Variants in PCDHGA1 observed in about 807,000 individuals in gnomAD.
The protein encoded by PCDHGA1 is protocadherin gamma subfamily A, 1.
PCDHGA1 carries 32 observed loss-of-function variants against 58.0 expected under a neutral mutation model. That is an observed-to-expected ratio of 0.55 (90% CI 0.42 to 0.74). The LOEUF (loss-of-function observed/expected upper bound fraction) is 0.74, where lower values mean the gene tolerates loss of function less well. PCDHGA1 is among the 30% of genes least tolerant of loss of function. The probability of loss-of-function intolerance (pLI) is 0.00; values close to 1 mark genes in which losing one functional copy is unlikely to be tolerated. For missense variants in PCDHGA1, 1,205 were observed against 1,182.3 expected (o/e 1.02, Z -0.28); for synonymous variants, 498 against 501.1 (o/e 0.99, Z 0.08).
intron 1 of PCDHGA1, chr5:141,351,764 T>C (rs766409465): frequency 1.9e-6 from 3 of 1,613,590 alleles, no homozygotes; most frequent in Admixed American, 1.7e-5. Context: ...GTCCTACGTG[T>C]CCGTGAGCCC....
chr5:141,431,325 G>C lies in PCDHGA1; in HGVS notation c.2422-63482G>C, dbSNP rs772252181. On this transcript the variant is annotated intron_variant, in intron 1 of 3. Coordinates refer to ENST00000517417, the MANE Select transcript of PCDHGA1 (RefSeq NM_018912.3). The surrounding 1 kb of genome is among the most constrained non-coding windows in gnomAD (Gnocchi z 4.8). Reference sequence around the variant, plus strand: ...ATCGTGCAAAATGGAGCCGACGGTAGTAAGTACCCCGAATTGGTGCTGAAA... The same window carrying C: ...ATCGTGCAAAATGGAGCCGACGGTACTAAGTACCCCGAATTGGTGCTGAAA... 4.3e-6 allele frequency: 7 copies of C among 1,614,144 alleles called. No individual in the cohort carries two copies. In the Admixed American group the frequency reaches 8.3e-5, roughly 19 times the overall value.
rs1163950013 is a variant in PCDHGA1 at position 141,512,955 on chromosome 5, A to G, written c.*1782A>G. 2 of 152,234 alleles carry G rather than the reference A, an allele frequency of 1.3e-5. No homozygotes were observed. The highest frequency in any genetic ancestry group is 2.9e-5 in the Non-Finnish European group (2 of 68,046). The allele number at this position is 152,234 out of a possible 1,614,324, so 9.4% of individuals were successfully genotyped here. ...GCTTTTTTTCTTCGACAAAAAAATA[A>G]TAAAACGTTTCTTCTGAAAAGCTGA... On this transcript the variant is annotated 3_prime_UTR_variant, in exon 4 of 4. Coordinates refer to ENST00000517417, the MANE Select transcript of PCDHGA1 (RefSeq NM_018912.3).
In PCDHGA1 at chr5:141,410,593, G is replaced by C. The variant is rs921521742; in HGVS notation, c.2421+77488G>C. ...TTCCACCTCATGGTGGGGAGGATTT[G>C]ACTTCACATCCTGAGACTCTGACTT... On this transcript the variant is annotated intron_variant, in intron 1 of 3. Coordinates refer to ENST00000517417, the MANE Select transcript of PCDHGA1 (RefSeq NM_018912.3). The C allele has an allele frequency of 2.5e-6, 4 of 1,608,934 alleles. No individual in the cohort carries two copies. In the African/African-American group the frequency reaches 5.3e-5, roughly 21 times the overall value.
In PCDHGA1 at chr5:141,491,163, C is replaced by T; in HGVS notation, c.2422-3644C>T. On this transcript the variant is annotated intron_variant, in intron 1 of 3. Transcript: ENST00000517417. The surrounding 1 kb of genome is among the most constrained non-coding windows in gnomAD (Gnocchi z 6.9). ...CCTTACTGGAGGATGACTCTGACAC[C>T]CAGCAGGTGGTGGTCCTGGTGAGGG... is the stretch of plus-strand genomic sequence containing the variant. 1 of 1,614,092 alleles carries T rather than the reference C, an allele frequency of 6.2e-7. No homozygotes were observed. Among genetic ancestry groups the T allele is most frequent in the Non-Finnish European group, 8.5e-7 (1 of 1,179,950 alleles).
rs192411178 is a variant in PCDHGA1, at chr5:141,397,840, C to A, written c.2421+64735C>A. ...AATTACTGCACTGGTTAACTTGAAG[C>A]CGCAGAGGCTGTAGTTTCCTAGTGC... On this transcript the variant is annotated intron_variant, in intron 1 of 3. Transcript: ENST00000517417. 268 of 517,094 alleles carry A rather than the reference C, an allele frequency of 5.2e-4. 2 individuals carry two copies. Among genetic ancestry groups the A allele is most frequent in the African/African-American group, 4.6e-3 (241 of 51,950 alleles). The allele number at this position is 517,094 out of a possible 1,614,324, so 32.0% of individuals were successfully genotyped here. A position where few individuals can be genotyped will look rare whatever the true frequency, so the allele number is the denominator to read the frequency against.
In PCDHGA1 at chr5:141,332,804, T is replaced by C. The variant is rs532160123; in HGVS notation, c.2120T>C (p.Phe707Ser). Reference protein sequence around the residue: ...AAAVSCVFLAFVIVLLAHRLR... With the variant: ...AAAVSCVFLASVIVLLAHRLR... ...GCGGTCTCCTGCGTCTTCCTGGCCT[T>C]CGTCATCGTGCTGCTGGCGCACAGG... Residue 707 changes from phenylalanine to serine, a missense_variant, in exon 1 of 4, where the codon TTC (phenylalanine) becomes TCC (serine). Phe to Ser is a radical substitution (Grantham distance 155). Transcript: ENST00000517417. The surrounding 1 kb of genome is among the most constrained non-coding windows in gnomAD (Gnocchi z 4.6). The C allele has an allele frequency of 6.2e-7, 1 of 1,614,202 alleles. No homozygotes were observed. Among genetic ancestry groups the C allele is most frequent in the South Asian group, 1.1e-5 (1 of 91,086 alleles).
chr5:141,417,528 A>G, intron 1 of PCDHGA1: 1 of 277,368 alleles, frequency 3.6e-6, no homozygotes, highest in Non-Finnish European at 6.7e-6. Context: ...GTCAACTCGT[A>G]GTTTAAAAAA....
chr5:141,389,612 G>A, intron 1 of PCDHGA1: 1 of 1,613,040 alleles, frequency 6.2e-7, no homozygotes, highest in Non-Finnish European at 8.5e-7. Flanking sequence ...TCGATATGGT[G>A]CCGCACGCTG....
intron 2 of PCDHGA1, among the ~76,000 whole-genome samples, chr5:141,504,118 G>A (rs948008198): frequency 6.6e-6 from 1 of 152,096 alleles, no homozygotes; most frequent in African/African-American, 2.4e-5. Flanking sequence ...GTGTGCCAGG[G>A]CTGTTTCCCG....
chr5:141,486,844 C>T lies in PCDHGA1; in HGVS notation c.2422-7963C>T, dbSNP rs150549306. The T allele has an allele frequency of 1.1e-5, 17 of 1,614,220 alleles. No homozygotes were observed. The highest frequency in any genetic ancestry group is 1.4e-5 in the Non-Finnish European group (16 of 1,180,026). ...TAACAGTTCGTCTATTTGTGCTGGACCTCAATGACAATGCTCCAGCTGTGC... is the reference window on the plus strand; with the variant it reads ...TAACAGTTCGTCTATTTGTGCTGGATCTCAATGACAATGCTCCAGCTGTGC... On this transcript the variant is annotated intron_variant, in intron 1 of 3. Transcript: ENST00000517417. The surrounding 1 kb of genome is among the most constrained non-coding windows in gnomAD (Gnocchi z 5.0).
At chr5:141,427,803 G>A (rs781324396) in intron 1 of PCDHGA1, 2 of 1,511,804 alleles carry the variant, frequency 1.3e-6, no homozygotes, top group Admixed American at 1.7e-5. Context: ...GTCCGTGAGC[G>A]CACAGAGCGG....
chr5:141,414,778 C>G, intron 1 of PCDHGA1: 5 of 1,614,202 alleles, frequency 3.1e-6, no homozygotes, highest in Non-Finnish European at 3.4e-6. Context: ...GCTACAGATG[C>G]AGGTGACAGC....
intron 1 of PCDHGA1, chr5:141,413,180 C>T: frequency 6.2e-7 from 1 of 1,602,612 alleles, no homozygotes; most frequent in Non-Finnish European, 8.5e-7. Flanking sequence ...ACTACAATGG[C>T]CGCTCAAAGG....
chr5:141,437,247 C>T (rs2097870457), intron 1 of PCDHGA1, among the ~76,000 whole-genome samples: 2 of 152,090 alleles, frequency 1.3e-5, no homozygotes, highest in Non-Finnish European at 2.9e-5. Context: ...AAGGACTTTC[C>T]TTGTCTTTTT....
chr5:141,344,286 G>A (rs776109013), intron 1 of PCDHGA1: 2 of 1,614,098 alleles, frequency 1.2e-6, no homozygotes, highest in Non-Finnish European at 1.7e-6. Context: ...CGGCAGCTTG[G>A]TCACCGCGGA....
intron 1 of PCDHGA1, chr5:141,410,799 C>A: frequency 1.8e-6 from 1 of 560,610 alleles, no homozygotes; most frequent in Non-Finnish European, 2.6e-6. Flanking sequence ...ATAAGTTGCT[C>A]TATCTTTTTG....
intron 1 of PCDHGA1, among the ~76,000 whole-genome samples, chr5:141,494,218 T>C (rs1224329242): frequency 1.3e-5 from 2 of 152,222 alleles, no homozygotes; most frequent in South Asian, 2.1e-4. Context: ...CAATCTGGCA[T>C]GACTCCTAAA....
chr5:141,407,009 T>C (rs1388688972), intron 1 of PCDHGA1, among the ~76,000 whole-genome samples: 1 of 152,198 alleles, frequency 6.6e-6, no homozygotes, highest in Non-Finnish European at 1.5e-5. Flanking sequence ...AGCTTTGAAG[T>C]TGACTCAAAA....
At chr5:141,458,437 C>T (rs777855535) in intron 1 of PCDHGA1, among the ~76,000 whole-genome samples, 1 of 152,026 alleles carries the variant, frequency 6.6e-6, no homozygotes, top group Non-Finnish European at 1.5e-5. Flanking sequence ...AGAGGAGGTC[C>T]CCCACATTAA....
Sources: allele counts gnomAD v4.1 joint callset (sites outside exome capture counted in the v4.1 genomes callset), GRCh38; gene constraint gnomAD v4.1.1; non-coding constraint Gnocchi (gnomAD v3.1); transcripts MANE v1.5; gene names NCBI Gene and HGNC (gene_info 2026-07-23, HGNC 2026-07-21).